HOMER1: variants seen among roughly 807,000 people sequenced by gnomAD.
HOMER1 encodes homer protein homolog 1.
Under a neutral mutation model 48.9 loss-of-function variants are expected in HOMER1, and 3 were observed. That is an observed-to-expected ratio of 0.06 (90% CI 0.03 to 0.16). HOMER1 has a LOEUF of 0.16. HOMER1 is among the 10% of genes least tolerant of loss of function. The pLI is 1.00. For missense variants in HOMER1, 247 were observed against 411.4 expected (o/e 0.60, Z 3.46); for synonymous variants, 134 against 146.4 (o/e 0.92, Z 0.61).
At chr5:79,482,598 G>GA (rs1034668964) in intron 1 of HOMER1, among the ~76,000 whole-genome samples, 2 of 151,570 alleles carry the variant, frequency 1.3e-5, no homozygotes, top group African/African-American at 4.8e-5. Flanking sequence ...ATGAAGCACA[G>GA]AAAAAAACCC....
At chr5:79,463,852 G>A (rs958586485) in intron 1 of HOMER1, among the ~76,000 whole-genome samples, 1 of 152,108 alleles carries the variant, frequency 6.6e-6, no homozygotes, top group Non-Finnish European at 1.5e-5. Context: ...TGTGGAACTG[G>A]CAAAAATTCA....
At chr5:79,512,254 A>G (rs1393140138) in intron 1 of HOMER1, among the ~76,000 whole-genome samples, 1 of 152,248 alleles carries the variant, frequency 6.6e-6, no homozygotes, top group African/African-American at 2.4e-5. Flanking sequence ...ACGCCCCAGT[A>G]AATCAATTCT....
intron 1 of HOMER1, among the ~76,000 whole-genome samples, chr5:79,506,743 A>G (rs1253562267): frequency 1.3e-5 from 2 of 152,136 alleles, no homozygotes; most frequent in Admixed American, 6.5e-5. Flanking sequence ...AGTCTAAAGT[A>G]GGAGGATTGC....
At chr5:79,512,172 G>C (rs1332230455) in intron 1 of HOMER1, among the ~76,000 whole-genome samples, 2 of 152,158 alleles carry the variant, frequency 1.3e-5, no homozygotes, top group African/African-American at 4.8e-5. Context: ...TAAACAAAAA[G>C]CTTTTTCCTA....
chr5:79,474,460 G>A (rs552108145), intron 1 of HOMER1, among the ~76,000 whole-genome samples: 33 of 152,116 alleles, frequency 2.2e-4, no homozygotes, highest in Middle Eastern at 3.4e-3. Context: ...ACTGAATTAA[G>A]ATTTAAAGTT....
At chr5:79,500,995 A>ACACACACACACACACAC (rs1460147206) in intron 1 of HOMER1, among the ~76,000 whole-genome samples, 1 of 124,132 alleles carries the variant, frequency 8.1e-6, no homozygotes, top group African/African-American at 3.7e-5. Context: ...CACACACACA[A>ACACACACACACACACAC]GGTCTGGCTC....
At chr5:79,463,976 T>C (rs149111766) in intron 1 of HOMER1, among the ~76,000 whole-genome samples, 10 of 152,312 alleles carry the variant, frequency 6.6e-5, no homozygotes, top group African/African-American at 1.9e-4. Flanking sequence ...AAATAAAAAT[T>C]ACATTTTTTA....
intron 1 of HOMER1, among the ~76,000 whole-genome samples, chr5:79,492,721 T>G (rs1752314173): frequency 6.6e-6 from 1 of 152,038 alleles, no homozygotes; most frequent in South Asian, 2.1e-4. Context: ...TGGTGATATT[T>G]TGGCAAACTT....
chr5:79,510,631 T>C, intron 1 of HOMER1: 4 of 912,802 alleles, frequency 4.4e-6, no homozygotes, highest in Non-Finnish European at 7.2e-6. Flanking sequence ...AGGCCATGAG[T>C]GCACATGCCA....
intron 1 of HOMER1, among the ~76,000 whole-genome samples, chr5:79,510,005 T>G (rs1752892561): frequency 6.6e-6 from 1 of 152,226 alleles, no homozygotes; most frequent in African/African-American, 2.4e-5. Flanking sequence ...CCCTGTTTCC[T>G]TTTGCTTGAA....
Position 79,374,218 on chromosome 5 carries a change from A to T in HOMER1, c.*1791T>A, listed in dbSNP as rs1748701909. On this transcript the variant is annotated 3_prime_UTR_variant, in exon 9 of 9. Coordinates refer to ENST00000334082, the MANE Select transcript of HOMER1 (RefSeq NM_004272.5). ...TCAGAGAAATATCTCAGCTCTGAGC[A>T]TGTGTATCTAAATTATTCTCCCTAT... The T allele has an allele frequency of 6.6e-6, 1 of 152,444 alleles. No homozygotes were observed. The highest frequency in any genetic ancestry group is 2.4e-5 in the African/African-American group (1 of 41,438). The allele number at this position is 152,444 out of a possible 1,614,324, so 9.4% of individuals were successfully genotyped here.
chr5:79,402,688 A>C (rs1195736753), intron 5 of HOMER1, among the ~76,000 whole-genome samples: 1 of 152,158 alleles, frequency 6.6e-6, no homozygotes, highest in African/African-American at 2.4e-5. Flanking sequence ...TAGCCTGAAA[A>C]ACATCTATTA....
At chr5:79,410,598 A>T (rs1056241920) in intron 5 of HOMER1, among the ~76,000 whole-genome samples, 2 of 151,894 alleles carry the variant, frequency 1.3e-5, no homozygotes, top group African/African-American at 4.8e-5. Context: ...TATTCCTTTC[A>T]TCAAGTATAA....
intron 1 of HOMER1, among the ~76,000 whole-genome samples, chr5:79,492,747 GGT>G (rs1752314962): frequency 6.6e-6 from 1 of 151,894 alleles, no homozygotes; most frequent in African/African-American, 2.4e-5. Context: ...GTATTAGGTT[GGT>G]CTTCCAAGAT....
At chr5:79,442,452 C>A (rs1388695393) in intron 4 of HOMER1, among the ~76,000 whole-genome samples, 1 of 152,188 alleles carries the variant, frequency 6.6e-6, no homozygotes, top group Non-Finnish European at 1.5e-5. Flanking sequence ...TTGACCTTGA[C>A]CCTCACTCTA....
At chr5:79,386,250 G>T (rs1234929098) in intron 8 of HOMER1, among the ~76,000 whole-genome samples, 1 of 152,140 alleles carries the variant, frequency 6.6e-6, no homozygotes, top group African/African-American at 2.4e-5. Flanking sequence ...TAAAGAAAAT[G>T]TGGTATATAT....
intron 6 of HOMER1, 75 bp from the exon 7 acceptor site, chr5:79,397,712 A>G (rs1749424981): frequency 2.6e-6 from 2 of 765,014 alleles, no homozygotes; most frequent in Non-Finnish European, 4.4e-6. Flanking sequence ...ATAGCCCCAA[A>G]TAAGTGAATA....
At chr5:79,423,693 A>G (rs760508698) in intron 5 of HOMER1, among the ~76,000 whole-genome samples, 5 of 152,152 alleles carry the variant, frequency 3.3e-5, no homozygotes, top group Non-Finnish European at 7.4e-5. Context: ...GTAGGTGGAC[A>G]TCTTATTAAT....
Position 79,374,071 on chromosome 5 carries a change from C to T in HOMER1, c.*1938G>A, listed in dbSNP as rs1748698654. 1 of 152,244 alleles carries T rather than the reference C, an allele frequency of 6.6e-6. No homozygotes were observed. Among genetic ancestry groups the T allele is most frequent in the Non-Finnish European group, 1.5e-5 (1 of 67,832 alleles). 9.4% of individuals were successfully genotyped at this position (152,244 alleles called of 1,614,324 possible). On this transcript the variant is annotated 3_prime_UTR_variant, in exon 9 of 9. Transcript: ENST00000334082. The stretch of plus-strand genomic sequence containing the variant: ...AACTCTTCATACTAAACTCCCTGAT[C>T]CCTAGTGTTAAATCTCCTATTTAAA...
Sources: gnomAD v4.1 joint callset for allele counts (sites outside exome capture counted in the v4.1 genomes callset) on GRCh38, gnomAD v4.1.1 for gene constraint, MANE v1.5 for transcripts, NCBI Gene and HGNC (gene_info 2026-07-23, HGNC 2026-07-21) for gene names.